The following RBMS3 variants were observed in gnomAD, a reference collection of about 807,000 sequenced individuals.
The protein encoded by RBMS3 is RNA-binding motif, single-stranded-interacting protein 3.
RBMS3 carries 27 observed loss-of-function variants against 66.8 expected under a neutral mutation model. The ratio of observed to expected loss-of-function variants is 0.40; its 90% CI spans 0.30 to 0.56. The LOEUF (loss-of-function observed/expected upper bound fraction) is 0.56. Among genes scored for constraint, RBMS3 ranks in the 20% least tolerant of loss-of-function variants. The pLI, the probability that RBMS3 is intolerant of heterozygous loss-of-function variation, is 0.40. For missense variants in RBMS3, 513 were observed against 549.5 expected (o/e 0.93, Z 0.66); for synonymous variants, 188 against 183.0 (o/e 1.03, Z -0.22).
intron 6 of RBMS3, among the ~76,000 whole-genome samples, chr3:29,779,454 C>A (rs76232851): frequency 0.011 from 1,635 of 151,564 alleles, 71 homozygotes; most frequent in East Asian, 0.077. Context: ...AAGCCATGGA[C>A]ACTGAGTGAG....
chr3:29,563,207 A>G (rs2046618234), intron 3 of RBMS3, among the ~76,000 whole-genome samples: 1 of 152,222 alleles, frequency 6.6e-6, no homozygotes, highest in African/African-American at 2.4e-5. Context: ...AAAGTAACCT[A>G]TAGGTCTACA....
intron 4 of RBMS3, among the ~76,000 whole-genome samples, chr3:29,667,825 A>G (rs2050827601): frequency 6.6e-6 from 1 of 152,174 alleles, no homozygotes; most frequent in South Asian, 2.1e-4. Flanking sequence ...TTTAATATAA[A>G]AACATTAGTA....
chr3:29,365,725 T>C (rs1475742582), intron 1 of RBMS3, among the ~76,000 whole-genome samples: 1 of 152,198 alleles, frequency 6.6e-6, no homozygotes, highest in Non-Finnish European at 1.5e-5. Context: ...CCTTCACTTC[T>C]GCCGTTAGGT....
At chr3:29,553,843 C>A (rs998186856) in intron 3 of RBMS3, among the ~76,000 whole-genome samples, 1 of 148,126 alleles carries the variant, frequency 6.8e-6, no homozygotes, top group Non-Finnish European at 1.5e-5. Context: ...TAGGCATTTG[C>A]CTCCTTATCT....
chr3:29,619,546 C>T (rs2048796150), intron 4 of RBMS3, among the ~76,000 whole-genome samples: 1 of 152,110 alleles, frequency 6.6e-6, no homozygotes, highest in Non-Finnish European at 1.5e-5. Flanking sequence ...ATAGAGAAAG[C>T]AGTACATGGA....
chr3:29,792,037 A>G (rs1364883844), intron 6 of RBMS3, among the ~76,000 whole-genome samples: 3 of 152,200 alleles, frequency 2.0e-5, no homozygotes, highest in East Asian at 3.8e-4. Flanking sequence ...GTTAACCAGA[A>G]ACATCTATGA....
chr3:29,722,623 T>G (rs558043510), intron 4 of RBMS3, among the ~76,000 whole-genome samples: 3 of 152,298 alleles, frequency 2.0e-5, no homozygotes, highest in African/African-American at 7.2e-5. Context: ...AGTCTCTCAG[T>G]GTCCTTTAAT....
At chr3:29,582,893 T>A (rs1255335964) in intron 3 of RBMS3, among the ~76,000 whole-genome samples, 1 of 152,182 alleles carries the variant, frequency 6.6e-6, no homozygotes, top group Non-Finnish European at 1.5e-5. Flanking sequence ...TTTTCAGGGT[T>A]ACTTGAGACA....
chr3:29,328,795 AT>A (rs1706271218), intron 1 of RBMS3, among the ~76,000 whole-genome samples: 1 of 152,052 alleles, frequency 6.6e-6, no homozygotes, highest in South Asian at 2.1e-4. Context: ...TTACGTGTTT[AT>A]TTTTATTAGT....
intron 14 of RBMS3, 91 bp from the exon 15 acceptor site, chr3:30,003,765 C>G (rs933052991): frequency 3.3e-6 from 3 of 902,714 alleles, no homozygotes; most frequent in African/African-American, 3.4e-5. Flanking sequence ...AGCTTGGTAT[C>G]TTTTAAAGCT....
In RBMS3 at chr3:29,762,985, C is replaced by A. The variant is rs199988238; in HGVS notation, c.633C>A (p.Ile211=). Residue 211 remains isoleucine (I), a synonymous_variant, in exon 6 of 15, where the codon ATC becomes ATA. Transcript: ENST00000383767. ...AATATCTGAAAACACCACCAGGCATCCCAGGTAAGAAATTCACTAATAAGT... is the reference window on the plus strand; with the variant it reads ...AATATCTGAAAACACCACCAGGCATACCAGGTAAGAAATTCACTAATAAGT... ...NGKYLKTPPG[I]PAPSEPLLCK... The A allele has an allele frequency of 5.6e-6, 9 of 1,599,504 alleles. No individual in the cohort carries two copies. In the East Asian group the frequency reaches 2.0e-4, roughly 36 times the overall value.
At chr3:29,758,077 TGGGAGAGAATAC>T in intron 5 of RBMS3, among the ~76,000 whole-genome samples, 1 of 152,336 alleles carries the variant, frequency 6.6e-6, no homozygotes, top group African/African-American at 2.4e-5. Context: ...TCATGGGTTT[TGGGAGAGAATAC>T]CACAGAGGTG....
chr3:29,571,870 C>A (rs935634057), intron 3 of RBMS3, among the ~76,000 whole-genome samples: 3 of 152,046 alleles, frequency 2.0e-5, no homozygotes, highest in Admixed American at 2.0e-4. Context: ...GGATAGTATG[C>A]ACATTTTAAA....
intron 4 of RBMS3, among the ~76,000 whole-genome samples, chr3:29,726,069 A>G (rs1166012876): frequency 6.6e-6 from 1 of 152,212 alleles, no homozygotes; most frequent in East Asian, 1.9e-4. Flanking sequence ...CAAATCAATA[A>G]ACATAATCCA....
intron 6 of RBMS3, among the ~76,000 whole-genome samples, chr3:29,858,107 A>G (rs2059126200): frequency 6.6e-6 from 1 of 152,222 alleles, no homozygotes; most frequent in South Asian, 2.1e-4. Context: ...GCATTTTTGA[A>G]AGAAATCATA....
At chr3:29,697,006 G>A in intron 4 of RBMS3, 1 of 983,156 alleles carries the variant, frequency 1.0e-6, no homozygotes, top group Non-Finnish European at 1.2e-6. Flanking sequence ...CTTCTAACTT[G>A]CTACAAAGGA....
chr3:29,475,303 C>T (rs1270107936), intron 2 of RBMS3, among the ~76,000 whole-genome samples: 1 of 150,026 alleles, frequency 6.7e-6, no homozygotes, highest in African/African-American at 2.5e-5. Context: ...GGCTGGAGTG[C>T]AATGGCGTGA....
chr3:29,376,949 CGT>C (rs1337699265), intron 1 of RBMS3, among the ~76,000 whole-genome samples: 2 of 151,760 alleles, frequency 1.3e-5, no homozygotes, highest in Admixed American at 1.3e-4. Context: ...ATTAGCCGGA[CGT>C]GGTGGCGGAT....
chr3:29,676,500 A>G (rs2051257927), intron 4 of RBMS3, among the ~76,000 whole-genome samples: 1 of 152,228 alleles, frequency 6.6e-6, no homozygotes, highest in Non-Finnish European at 1.5e-5. Context: ...TCCAAATTCA[A>G]TTATTCATAT....
Sources: allele counts gnomAD v4.1 joint callset (sites outside exome capture counted in the v4.1 genomes callset), GRCh38; gene constraint gnomAD v4.1.1; transcripts MANE v1.5; gene names NCBI Gene and HGNC (gene_info 2026-07-23, HGNC 2026-07-21).